Variants in PRKDC observed in about 807,000 individuals in gnomAD.
PRKDC encodes the protein protein kinase, DNA-activated, catalytic subunit.
A neutral mutation model predicts 486.9 loss-of-function variants in PRKDC; 82 were observed. The observed-to-expected ratio is 0.17, with a 90% CI of 0.14 to 0.20. The LOEUF is 0.20. Ranked by LOEUF, PRKDC falls within the 10% of genes least tolerant of loss-of-function variation. PRKDC has a pLI of 1.00. For synonymous variants in PRKDC, 1,895 were observed against 1,837.0 expected (o/e 1.03, Z -0.81); for missense variants, 4,504 against 5,038.2 (o/e 0.89, Z 3.21).
At chr8:47,776,724 A>G in intron 85 of PRKDC, 120 bp downstream of exon 85, 1 of 1,325,100 alleles carries the variant, frequency 7.5e-7, no homozygotes, top group Non-Finnish European at 1.0e-6. Flanking sequence ...TCCTCAATGA[A>G]AGCAGAGAAG....
chr8:47,823,406 C>T (rs762012299), intron 64 of PRKDC, among the ~76,000 whole-genome samples: 8 of 151,676 alleles, frequency 5.3e-5, no homozygotes, highest in Admixed American at 3.3e-4. Context: ...ACTCCTGCTT[C>T]GCCTTCTACC....
At chr8:47,872,335 A>G (rs1465350559) in intron 40 of PRKDC, among the ~76,000 whole-genome samples, 1 of 152,128 alleles carries the variant, frequency 6.6e-6, no homozygotes, top group African/African-American at 2.4e-5. Flanking sequence ...CGAGAAAATA[A>G]CCTTCACTAA....
At chr8:47,862,720 A>T (rs1251019501) in intron 42 of PRKDC, among the ~76,000 whole-genome samples, 179 bp from the exon 43 acceptor site, 2 of 152,224 alleles carry the variant, frequency 1.3e-5, no homozygotes, top group Non-Finnish European at 2.9e-5. Flanking sequence ...TCTCACAGCA[A>T]AGGCAGCATA....
rs1563770842 is a variant in PRKDC, at chr8:47,858,833, T to C, written c.6345+16A>G. Reference sequence around the variant, plus strand: ...ATGAATATAGTATTAACAGGTAAGATGAGTGGGAAAAGCACCTCTTCTCCT... The same window carrying C: ...ATGAATATAGTATTAACAGGTAAGACGAGTGGGAAAAGCACCTCTTCTCCT... On this transcript the variant is annotated intron_variant, in intron 47 of 85. Transcript: ENST00000314191. 1 of 1,611,184 alleles carries C rather than the reference T, an allele frequency of 6.2e-7. No homozygotes were observed. The highest frequency in any genetic ancestry group is 1.1e-5 in the South Asian group (1 of 90,886).
intron 66 of PRKDC, among the ~76,000 whole-genome samples, chr8:47,820,315 C>T (rs995352697): frequency 6.6e-6 from 1 of 152,040 alleles, no homozygotes; most frequent in African/African-American, 2.4e-5. Context: ...GCAGGAGAAT[C>T]ACTTGAACCA....
At chr8:47,807,007 T>C (rs1298770988) in intron 69 of PRKDC, 130 bp downstream of exon 69, 9 of 977,710 alleles carry the variant, frequency 9.2e-6, no homozygotes, top group Non-Finnish European at 1.3e-5. Flanking sequence ...AGTTTACTTA[T>C]AAAGAGAGAA....
Position 47,859,751 on chromosome 8 carries a change from A to AAGG in PRKDC, c.6064_6066dup (p.Pro2022dup), listed in dbSNP as rs767984721. The AAGG allele has an allele frequency of 5.5e-5, 88 of 1,610,706 alleles. No individual in the cohort carries two copies. The highest frequency in any genetic ancestry group is 2.5e-6 in the Non-Finnish European group (3 of 1,177,408). On this transcript the variant is annotated inframe_insertion, in exon 46 of 86. Transcript: ENST00000314191. ...AAATATGACAGGGAAGACATATAGG[A>AAGG]AGGACCATCTGAAATATAAAAAAGG...
chr8:47,839,934 GC>G, intron 55 of PRKDC, 81 bp downstream of exon 55: 1 of 1,105,388 alleles, frequency 9.0e-7, no homozygotes, highest in East Asian at 2.6e-5. Context: ...CTGTGTTTGT[GC>G]CCCTGTACTC....
chr8:47,839,932 G>T, intron 55 of PRKDC, 84 bp downstream of exon 55: 1 of 1,090,608 alleles, frequency 9.2e-7, no homozygotes, highest in East Asian at 2.6e-5. Context: ...ACCTGTGTTT[G>T]TGCCCCTGTA....
At position 47,862,645 on chromosome 8, in the gene PRKDC, G is replaced by A. The variant is rs1294069245; in HGVS notation, c.5751-104C>T. On this transcript the variant is annotated intron_variant, in intron 42 of 85. Transcript: ENST00000314191. ...GACCTAATGCCATTCAGCCTTTCTCGAGGGTCAGGCTTGTGCCAGGCAGAG... is the reference window on the plus strand; with the variant it reads ...GACCTAATGCCATTCAGCCTTTCTCAAGGGTCAGGCTTGTGCCAGGCAGAG... 5 of 1,170,852 alleles carry A rather than the reference G, an allele frequency of 4.3e-6. No individual in the cohort carries two copies. In the African/African-American group the frequency reaches 6.2e-5, roughly 15 times the overall value. 72.5% of individuals were successfully genotyped at this position (1,170,852 alleles called of 1,614,324 possible). A position where few individuals can be genotyped will look rare whatever the true frequency, so the allele number is the denominator to read the frequency against.
rs1375249178 is a variant in PRKDC at position 47,897,253 on chromosome 8, A to G, written c.3506T>C (p.Val1169Ala). The change falls in exon 30 of 86, where the codon GTC becomes GCC. Residue 1169 changes from valine (V) to alanine (A), a missense_variant. By Grantham distance (64) the Val-to-Ala change is moderately conservative. This residue lies in a region of PRKDC where 1,969 missense variants were observed against 2,068.9 expected (regional missense o/e 0.95). Coordinates refer to ENST00000314191, the MANE Select transcript of PRKDC (RefSeq NM_006904.7). Reference sequence around the variant, plus strand: ...CCCACAATGAGCTAAAAGCCACTTGACCAGATCCAATAAACACAATGATGC... The same window carrying G: ...CCCACAATGAGCTAAAAGCCACTTGGCCAGATCCAATAAACACAATGATGC... The part of the protein sequence containing the change: ...PSASLCLLDL[V>A]KWLLAHCGRP... 1 of 1,606,200 alleles carries G rather than the reference A, an allele frequency of 6.2e-7. No individual in the cohort carries two copies. The highest frequency in any genetic ancestry group is 8.5e-7 in the Non-Finnish European group (1 of 1,173,596).
intron 68 of PRKDC, among the ~76,000 whole-genome samples, chr8:47,814,361 T>C (rs1203154181): frequency 6.6e-6 from 1 of 152,172 alleles, no homozygotes; most frequent in Non-Finnish European, 1.5e-5. Flanking sequence ...GAGGTCCTCA[T>C]GGTTTTAACA....
At position 47,911,212 on chromosome 8, in the gene PRKDC, A is replaced by G. The variant is rs137969202; in HGVS notation, c.2934+1198T>C. 4.4e-3 allele frequency among the ~76,000 whole-genome samples: 673 copies of G among 152,242 alleles called. 6 individuals carry two copies. The highest frequency in any genetic ancestry group is 0.025 in the South Asian group (120 of 4,824). On this transcript the variant is annotated intron_variant, in intron 25 of 85. Transcript: ENST00000314191. ...AGTGCTGGGGTAGATGCTGGAGAGGAAGCAAGGAACACCAGGCTCTGTCCA... is the reference window on the plus strand; with the variant it reads ...AGTGCTGGGGTAGATGCTGGAGAGGGAGCAAGGAACACCAGGCTCTGTCCA...
chr8:47,898,607 A>G (rs757774226), intron 28 of PRKDC, 38 bp from the exon 29 acceptor site: 1 of 1,187,576 alleles, frequency 8.4e-7, no homozygotes, highest in East Asian at 3.0e-5. Context: ...CAAAGAAGGC[A>G]TATATAGCTG....
At chr8:47,912,929 C>G (rs945699945) in intron 24 of PRKDC, among the ~76,000 whole-genome samples, 1 of 152,118 alleles carries the variant, frequency 6.6e-6, no homozygotes, top group Non-Finnish European at 1.5e-5. Context: ...AATTAATACA[C>G]GCATACCTCA....
rs1353892791 is a variant in PRKDC, at chr8:47,960,127, G to A, written c.-1C>T. The A allele has an allele frequency of 3.3e-6, 5 of 1,496,960 alleles. No individual in the cohort carries two copies. Among genetic ancestry groups the A allele is most frequent in the African/African-American group, 2.9e-5 (2 of 69,254 alleles). 92.7% of individuals were successfully genotyped at this position (1,496,960 alleles called of 1,614,324 possible). A position where few individuals can be genotyped will look rare whatever the true frequency, so the allele number is the denominator to read the frequency against. Reference sequence around the variant, plus strand: ...GCACACCGGCTCCGGAGCCCGCCATGCCGCCGAGTCCCGCTCCCGCGCGTG... The same window carrying A: ...GCACACCGGCTCCGGAGCCCGCCATACCGCCGAGTCCCGCTCCCGCGCGTG... On this transcript the variant is annotated 5_prime_UTR_variant, in exon 1 of 86. Coordinates refer to ENST00000314191, the MANE Select transcript of PRKDC (RefSeq NM_006904.7).
At chr8:47,928,687 C>A (rs1457366043) in intron 19 of PRKDC, among the ~76,000 whole-genome samples, 1 of 151,608 alleles carries the variant, frequency 6.6e-6, no homozygotes, top group Non-Finnish European at 1.5e-5. Context: ...TAACCTGACA[C>A]AATTGTTTTT....
chr8:47,879,939 G>A (rs1473446537), intron 38 of PRKDC, among the ~76,000 whole-genome samples: 1 of 150,190 alleles, frequency 6.7e-6, no homozygotes, highest in Non-Finnish European at 1.5e-5. Context: ...CCGCCTCCCG[G>A]GTTCAAGTGA....
intron 68 of PRKDC, among the ~76,000 whole-genome samples, chr8:47,815,165 G>A (rs2087417062): frequency 6.6e-6 from 1 of 152,022 alleles, no homozygotes; most frequent in Non-Finnish European, 1.5e-5. Context: ...AAAAGTTCGA[G>A]AACTCATCCT....
Sources: gnomAD v4.1 joint callset for allele counts (sites outside exome capture counted in the v4.1 genomes callset) on GRCh38, gnomAD v4.1.1 for gene constraint, gnomAD v4.1.1 regional missense constraint, MANE v1.5 for transcripts, NCBI Gene and HGNC (gene_info 2026-07-23, HGNC 2026-07-21) for gene names.